Variants in TUSC3 observed in about 807,000 individuals in gnomAD.
TUSC3 encodes tumor suppressor candidate 3.
In TUSC3, 45 loss-of-function variants were observed where a neutral mutation model predicts 44.8. The ratio of observed to expected loss-of-function variants is 1.00; its 90% CI spans 0.79 to 1.29. The LOEUF (loss-of-function observed/expected upper bound fraction) is 1.29, where lower values mean the gene tolerates loss of function less well. TUSC3 is among the 50% of genes most tolerant of loss of function. The pLI is 0.00. For synonymous variants in TUSC3, 212 were observed against 152.9 expected (o/e 1.39, Z -2.85); for missense variants, 519 against 437.9 (o/e 1.19, Z -1.65).
the TUSC3 span, among the ~76,000 whole-genome samples, chr8:15,847,866 G>T: frequency 2.6e-5 from 4 of 152,122 alleles, no homozygotes; most frequent in Admixed American, 1.3e-4. Context: ...GAGCGAATAA[G>T]CCTTAATTTT....
chr8:15,748,213 A>G (rs939615688), intron 8 of TUSC3, among the ~76,000 whole-genome samples, 162 bp from the exon 9 acceptor site: 22 of 152,126 alleles, frequency 1.4e-4, no homozygotes, highest in African/African-American at 4.8e-4. Flanking sequence ...AAAATAATGA[A>G]CACATTGGAT....
chr8:15,659,207 C>T (rs1165674702), intron 3 of TUSC3, among the ~76,000 whole-genome samples: 1 of 151,204 alleles, frequency 6.6e-6, no homozygotes, highest in South Asian at 2.1e-4. Context: ...TTTTTTTTAC[C>T]CTAATTATAG....
intron 6 of TUSC3, among the ~76,000 whole-genome samples, chr8:15,721,479 A>C (rs944855735): frequency 3.9e-5 from 6 of 152,096 alleles, no homozygotes; most frequent in Admixed American, 6.6e-5. Context: ...ACACACACAC[A>C]GAGATTATAC....
chr8:15,662,363 T>A, intron 5 of TUSC3, 67 bp downstream of exon 5: 1 of 1,595,520 alleles, frequency 6.3e-7, no homozygotes, highest in Non-Finnish European at 8.6e-7. Flanking sequence ...TGTATAATAT[T>A]AACAAAATGA....
intron 6 of TUSC3, among the ~76,000 whole-genome samples, chr8:15,686,542 C>A (rs1397662011): frequency 1.3e-5 from 2 of 151,786 alleles, no homozygotes; most frequent in African/African-American, 4.8e-5. Context: ...CTTTATCCAA[C>A]TTTCTTCACT....
chr8:15,794,923 A>G, the TUSC3 span, among the ~76,000 whole-genome samples: 1 of 152,172 alleles, frequency 6.6e-6, no homozygotes, highest in Non-Finnish European at 1.5e-5. Context: ...GATATGGATA[A>G]ATGTGAGAAT....
intron 1 of TUSC3, among the ~76,000 whole-genome samples, chr8:15,433,188 C>G (rs1442056054): frequency 2.6e-5 from 4 of 151,936 alleles, no homozygotes; most frequent in Non-Finnish European, 5.9e-5. Context: ...ACCCAAGTAA[C>G]TTCTTTCATT....
At chr8:15,624,009 G>A (rs1174161707) in intron 2 of TUSC3, among the ~76,000 whole-genome samples, 1 of 151,980 alleles carries the variant, frequency 6.6e-6, no homozygotes, top group Admixed American at 6.6e-5. Context: ...GCAATCACTA[G>A]TCTGTTCTCC....
At chr8:15,797,887 T>G in the TUSC3 span, among the ~76,000 whole-genome samples, 1 of 152,188 alleles carries the variant, frequency 6.6e-6, no homozygotes, top group Non-Finnish European at 1.5e-5. Flanking sequence ...ATGACTCCTG[T>G]GAAAATCCAG....
intron 6 of TUSC3, among the ~76,000 whole-genome samples, chr8:15,715,851 A>G (rs1810035513): frequency 6.6e-6 from 1 of 152,164 alleles, no homozygotes; most frequent in Admixed American, 6.6e-5. Context: ...TTTCCAAATA[A>G]TATTTCCATG....
At chr8:15,745,166 A>G (rs1007498433) in intron 8 of TUSC3, among the ~76,000 whole-genome samples, 3 of 151,148 alleles carry the variant, frequency 2.0e-5, no homozygotes, top group African/African-American at 7.3e-5. Context: ...TACATACCAC[A>G]TTTTCTTTAT....
intron 1 of TUSC3, among the ~76,000 whole-genome samples, chr8:15,544,625 TC>T (rs1424191066): frequency 6.6e-6 from 1 of 151,828 alleles, no homozygotes; most frequent in Non-Finnish European, 1.5e-5. Flanking sequence ...CAGTTAGTTT[TC>T]GTGGCACAGC....
chr8:15,639,174 C>T (rs28613677), intron 2 of TUSC3, among the ~76,000 whole-genome samples: 1,983 of 150,876 alleles, frequency 0.013, 43 homozygotes, highest in African/African-American at 0.046. Context: ...GATGCTAGAT[C>T]ACGTGATGTT....
At chr8:15,429,059 A>C (rs1799839806) in intron 1 of TUSC3, among the ~76,000 whole-genome samples, 2 of 152,138 alleles carry the variant, frequency 1.3e-5, no homozygotes, top group Non-Finnish European at 2.9e-5. Context: ...CTATGTCCTG[A>C]ATGGTAATGC....
intron 6 of TUSC3, among the ~76,000 whole-genome samples, chr8:15,709,348 A>G (rs1283128960): frequency 1.3e-5 from 2 of 151,962 alleles, no homozygotes; most frequent in African/African-American, 4.8e-5. Flanking sequence ...TTTTACCCCA[A>G]TCCAAGTATG....
At chr8:15,843,783 G>A in the TUSC3 span, among the ~76,000 whole-genome samples, 1 of 151,838 alleles carries the variant, frequency 6.6e-6, no homozygotes, top group African/African-American at 2.4e-5. Flanking sequence ...ACTTAGTACT[G>A]GGGATACAAA....
chr8:15,598,831 C>G lies in TUSC3; in HGVS notation c.139-24249C>G, dbSNP rs578192978. 8.6e-5 allele frequency among the ~76,000 whole-genome samples: 13 copies of G among 151,380 alleles called. 1 individual carries two copies. The South Asian group carries it at 2.7e-3, about 32-fold the overall frequency. ...TGTCTGGATGTACCAGTTTATTTAC[C>G]CATTCACTTACCAGAGGATGTCTTG... On this transcript the variant is annotated intron_variant, in intron 1 of 10. Transcript: ENST00000503731.
chr8:15,513,263 C>G (rs1006292641), intron 2 of TUSC3, among the ~76,000 whole-genome samples: 2 of 151,846 alleles, frequency 1.3e-5, no homozygotes, highest in Admixed American at 6.6e-5. Flanking sequence ...AGAAACCACA[C>G]AGTAGATAAG....
At chr8:15,488,286 C>T (rs1800760535) in intron 2 of TUSC3, among the ~76,000 whole-genome samples, 1 of 151,380 alleles carries the variant, frequency 6.6e-6, no homozygotes, top group Non-Finnish European at 1.5e-5. Flanking sequence ...TGCTTGAGCT[C>T]AGGAGCCCAG....
Sources: gnomAD v4.1 joint callset for allele counts (sites outside exome capture counted in the v4.1 genomes callset) on GRCh38, gnomAD v4.1.1 for gene constraint, MANE v1.5 for transcripts, NCBI Gene and HGNC (gene_info 2026-07-23, HGNC 2026-07-21) for gene names.